The following MAPK10 variants were observed in gnomAD, a reference collection of about 807,000 sequenced individuals.
The protein encoded by MAPK10 is mitogen-activated protein kinase 10.
A neutral mutation model predicts 59.3 loss-of-function variants in MAPK10; 25 were observed. The observed-to-expected ratio is 0.42, with a 90% CI of 0.31 to 0.59. MAPK10 has a LOEUF of 0.59. Ranked by LOEUF, MAPK10 falls within the 20% of genes least tolerant of loss-of-function variation. The probability of loss-of-function intolerance (pLI) is 0.15; values close to 1 mark genes in which losing one functional copy is unlikely to be tolerated. For synonymous variants in MAPK10, 190 were observed against 200.5 expected, an observed-to-expected ratio of 0.95 and a Z score of 0.44; for missense variants, 351 against 568.9, an observed-to-expected ratio of 0.62 and a Z score of 3.90.
At chr4:86,091,604 T>C (rs2053195609) in intron 9 of MAPK10, 1 of 118,206 alleles carries the variant, frequency 8.5e-6, no homozygotes, top group African/African-American at 3.2e-5. Context: ...GCAACAACAA[T>C]AACAACAGAT....
intron 1 of MAPK10, among the ~76,000 whole-genome samples, chr4:86,436,327 C>T (rs1447273885): frequency 6.6e-6 from 1 of 152,088 alleles, no homozygotes; most frequent in Non-Finnish European, 1.5e-5. Context: ...ATTTTCCAAT[C>T]GTAGCACATT....
At chr4:86,439,885 A>G (rs1179384962) in intron 1 of MAPK10, among the ~76,000 whole-genome samples, 1 of 152,050 alleles carries the variant, frequency 6.6e-6, no homozygotes, top group Non-Finnish European at 1.5e-5. Flanking sequence ...TTAATCCAAG[A>G]AAAAAAATCA....
At position 86,589,952 on chromosome 4, in the gene MAPK10, C is replaced by G. The variant is rs1200352828; in HGVS notation, c.-263+3958G>C. ...TGAGCCGAGATCGCGCCACTGCACT[C>G]CAGCCTGGGCTACAGAGCAAGACTC... On this transcript the variant is annotated intron_variant, in intron 1 of 4. Transcript: ENST00000502302. Among the ~76,000 whole-genome samples, 4 of 150,738 alleles carry G rather than the reference C, an allele frequency of 2.7e-5. No homozygotes were observed. The Middle Eastern group carries it at 0.01, about 385-fold the overall frequency.
intron 1 of MAPK10, among the ~76,000 whole-genome samples, chr4:86,526,540 G>A (rs1757480129): frequency 6.6e-6 from 1 of 152,120 alleles, no homozygotes; most frequent in Admixed American, 6.5e-5. Flanking sequence ...TGGTTTTGGT[G>A]ATACTTTATA....
At chr4:86,090,480 C>G (rs560669376) in intron 9 of MAPK10, 1 of 152,132 alleles carries the variant, frequency 6.6e-6, no homozygotes, top group South Asian at 2.1e-4. Context: ...TAAGCATACC[C>G]AAAGAAGCAA....
At chr4:86,329,696 A>G (rs1464926962) in intron 2 of MAPK10, among the ~76,000 whole-genome samples, 2 of 152,136 alleles carry the variant, frequency 1.3e-5, no homozygotes, top group African/African-American at 2.4e-5. Flanking sequence ...CGGAGTCACA[A>G]TTTGCCTTTC....
chr4:86,285,534 T>C (rs1280065037), intron 2 of MAPK10, among the ~76,000 whole-genome samples: 1 of 152,106 alleles, frequency 6.6e-6, no homozygotes, highest in Non-Finnish European at 1.5e-5. Context: ...ACTTCTAAGA[T>C]GTCTTTCTAG....
intron 4 of MAPK10, among the ~76,000 whole-genome samples, chr4:86,146,905 T>C (rs1001745054): frequency 6.6e-6 from 1 of 152,174 alleles, no homozygotes; most frequent in Non-Finnish European, 1.5e-5. Flanking sequence ...ATCTCTTGAT[T>C]AGATGGCAGG....
intron 11 of MAPK10, among the ~76,000 whole-genome samples, chr4:86,063,011 T>C (rs1381930278): frequency 6.6e-6 from 1 of 152,202 alleles, no homozygotes; most frequent in East Asian, 1.9e-4. Context: ...CTCAACATCA[T>C]TGTAAAACTA....
chr4:86,226,026 C>T (rs1374702445), intron 2 of MAPK10, among the ~76,000 whole-genome samples: 2 of 152,090 alleles, frequency 1.3e-5, no homozygotes, highest in Non-Finnish European at 2.9e-5. Context: ...TTCAGAAAAA[C>T]CTTTTGATTA....
At chr4:86,053,826 A>G (rs1221279219) in intron 11 of MAPK10, among the ~76,000 whole-genome samples, 1 of 152,098 alleles carries the variant, frequency 6.6e-6, no homozygotes, top group Non-Finnish European at 1.5e-5. Flanking sequence ...AGATCTCACA[A>G]TATCTCAGAT....
intron 2 of MAPK10, among the ~76,000 whole-genome samples, chr4:86,242,229 T>C (rs2092771960): frequency 6.6e-6 from 1 of 152,126 alleles, no homozygotes; most frequent in Non-Finnish European, 1.5e-5. Context: ...TGCCTACTCC[T>C]TCCTCTGGGA....
chr4:86,524,975 G>A (rs1757369474), intron 1 of MAPK10, among the ~76,000 whole-genome samples: 1 of 151,416 alleles, frequency 6.6e-6, no homozygotes, highest in Admixed American at 6.6e-5. Flanking sequence ...TCAGGCGTTA[G>A]CAAGCTGAAT....
At chr4:86,414,486 T>A (rs1745610212) in intron 1 of MAPK10, among the ~76,000 whole-genome samples, 1 of 152,222 alleles carries the variant, frequency 6.6e-6, no homozygotes, top group Non-Finnish European at 1.5e-5. Context: ...TTGTTACCAC[T>A]TTATTACCAT....
At chr4:86,202,483 A>C (rs1227917979) in intron 2 of MAPK10, among the ~76,000 whole-genome samples, 2 of 151,960 alleles carry the variant, frequency 1.3e-5, no homozygotes, top group African/African-American at 4.8e-5. Context: ...TGTTGAGAAA[A>C]TGTTTACTGA....
At chr4:86,375,625 G>C (rs1739660325) in intron 1 of MAPK10, among the ~76,000 whole-genome samples, 1 of 136,918 alleles carries the variant, frequency 7.3e-6, no homozygotes, top group Admixed American at 8.4e-5. Context: ...AGGGATGAGA[G>C]AATCACTTGA....
intron 1 of MAPK10, among the ~76,000 whole-genome samples, chr4:86,533,162 T>C (rs1387481669): frequency 6.6e-6 from 1 of 152,166 alleles, no homozygotes; most frequent in Non-Finnish European, 1.5e-5. Context: ...AAAAGAAAGA[T>C]ACTGTATGAT....
At chr4:86,113,942 C>A (rs985160499) in intron 4 of MAPK10, among the ~76,000 whole-genome samples, 1 of 152,134 alleles carries the variant, frequency 6.6e-6, no homozygotes, top group African/African-American at 2.4e-5. Flanking sequence ...ACCTTGCCTG[C>A]CTGTCTTATT....
Position 86,435,069 on chromosome 4 carries a change from G to A in MAPK10, c.-122+17961C>T, listed in dbSNP as rs150353634. 6.1e-3 allele frequency among the ~76,000 whole-genome samples: 924 copies of A among 152,194 alleles called. 6 individuals are homozygous for A. The highest frequency in any genetic ancestry group is 0.02 in the African/African-American group (822 of 41,514). On this transcript the variant is annotated intron_variant, in intron 1 of 13. Coordinates refer to the MAPK10 transcript ENST00000361569. ...AAAGACAAATATCACATTCATATGC[G>A]GGATCTTAAAAAGTGAATCTCATGA... is the stretch of plus-strand genomic sequence containing the variant.
Sources: allele counts gnomAD v4.1 joint callset (sites outside exome capture counted in the v4.1 genomes callset), GRCh38; gene constraint gnomAD v4.1.1; transcripts MANE v1.5; gene names NCBI Gene and HGNC (gene_info 2026-07-23, HGNC 2026-07-21).